Variants in ABHD6 observed in about 807,000 individuals in gnomAD.
The protein encoded by ABHD6 is monoacylglycerol lipase ABHD6.
ABHD6 carries 33 observed loss-of-function variants against 38.8 expected under a neutral mutation model. The ratio of observed to expected loss-of-function variants is 0.85; its 90% CI spans 0.64 to 1.14. ABHD6 has a LOEUF of 1.14. Ranked by LOEUF, ABHD6 falls within the 50% of genes most tolerant of loss-of-function variation. The pLI, the probability that ABHD6 is intolerant of heterozygous loss-of-function variation, is 0.00. For synonymous variants in ABHD6, 147 were observed against 161.6 expected (o/e 0.91, Z 0.69); for missense variants, 380 against 422.6 (o/e 0.90, Z 0.88).
intron 9 of ABHD6, among the ~76,000 whole-genome samples, chr3:58,289,739 T>C (rs1203273129): frequency 6.6e-6 from 1 of 152,210 alleles, no homozygotes; most frequent in Non-Finnish European, 1.5e-5. Flanking sequence ...CTATTCTCAA[T>C]GAGCTGTTGG....
rs1284300273 is a variant in ABHD6 at position 58,259,676 on chromosome 3, TG to T, written c.119+2972del. 6.6e-6 allele frequency among the ~76,000 whole-genome samples: 1 copy of T among 152,168 alleles called. No homozygotes were observed. ...AGCCTGGGTGACAGAGATGAGACTCTGTCTAAATAAATAAATAAATGAAACA... is the reference window on the plus strand; with the variant it reads ...AGCCTGGGTGACAGAGATGAGACTCTTCTAAATAAATAAATAAATGAAACA... On this transcript the variant is annotated intron_variant, in intron 3 of 9. Transcript: ENST00000478253. The surrounding 1 kb of genome is among the most constrained non-coding windows in gnomAD (Gnocchi z 4.7).
At chr3:58,245,739 C>G (rs1014409855) in intron 1 of ABHD6, among the ~76,000 whole-genome samples, 26 of 151,664 alleles carry the variant, frequency 1.7e-4, no homozygotes, top group Non-Finnish European at 3.2e-4. Context: ...GAGATCGTGC[C>G]ACTGCACTCT....
At chr3:58,247,960 GTCCCCAGCCCTGCAGTT>G (rs1327384567) in intron 1 of ABHD6, among the ~76,000 whole-genome samples, 2 of 152,186 alleles carry the variant, frequency 1.3e-5, no homozygotes, top group Admixed American at 1.3e-4. Flanking sequence ...TCTCATCTCT[GTCCCCAGCCCTGCAGTT>G]TCCCTTCCCA....
intron 6 of ABHD6, among the ~76,000 whole-genome samples, chr3:58,271,330 AT>A (rs1413522160): frequency 0.024 from 1,592 of 65,926 alleles, 27 homozygotes; most frequent in African/African-American, 0.13. Context: ...AACATTTAAA[AT>A]TTAAAAAAAA....
intron 3 of ABHD6, among the ~76,000 whole-genome samples, chr3:58,262,120 T>G (rs2097437412): frequency 6.6e-6 from 1 of 152,174 alleles, no homozygotes; most frequent in African/African-American, 2.4e-5. Context: ...TGATTCCACT[T>G]TTACCCAGAA....
chr3:58,269,583 A>G lies in ABHD6; in HGVS notation c.390+149A>G. 1.6e-6 allele frequency: 1 copy of G among 618,730 alleles called. No homozygotes were observed. Among genetic ancestry groups the G allele is most frequent in the African/African-American group, 1.8e-5 (1 of 54,862 alleles). The allele number at this position is 618,730 out of a possible 1,614,324, so 38.3% of individuals were successfully genotyped here. A position where few individuals can be genotyped will look rare whatever the true frequency, so the allele number is the denominator to read the frequency against. ...ACAAGTGATGGCAAGCCAAATGGCA[A>G]CCTGATGATATCTCTGGTTGGCAAT... On this transcript the variant is annotated intron_variant, in intron 5 of 9. Transcript: ENST00000478253. This position sits in a 1 kb window ranked among gnomAD's most constrained non-coding sequence, Gnocchi z 4.4.
At chr3:58,278,436 T>A (rs909455769) in intron 7 of ABHD6, among the ~76,000 whole-genome samples, 1 of 152,142 alleles carries the variant, frequency 6.6e-6, no homozygotes, top group Admixed American at 6.5e-5. Flanking sequence ...TCTGTGGGAT[T>A]GGTGGTGATA....
chr3:58,274,376 G>C (rs766899089), intron 6 of ABHD6, among the ~76,000 whole-genome samples: 5 of 152,182 alleles, frequency 3.3e-5, no homozygotes, highest in Non-Finnish European at 7.3e-5. Context: ...AAGAGGCTCA[G>C]GGAGGAGCAG....
intron 3 of ABHD6, among the ~76,000 whole-genome samples, chr3:58,260,066 GT>G (rs1360841496): frequency 6.6e-6 from 1 of 152,218 alleles, no homozygotes; most frequent in South Asian, 2.1e-4. Context: ...TATATATACA[GT>G]TTGTTCATCC....
Position 58,293,898 on chromosome 3 carries a change from A to G in ABHD6, c.*133A>G, listed in dbSNP as rs1300715769. 3.2e-6 allele frequency: 3 copies of G among 949,552 alleles called. No homozygotes were observed. The African/African-American group carries it at 4.9e-5, about 16-fold the overall frequency. 58.8% of individuals were successfully genotyped at this position (949,552 alleles called of 1,614,324 possible). A position where few individuals can be genotyped will look rare whatever the true frequency, so the allele number is the denominator to read the frequency against. ...GTGACCCTGAGGAAGCCCGTCCCTTATCCCTGGTATCCACGGTTCCCCAGA... is the reference window on the plus strand; with the variant it reads ...GTGACCCTGAGGAAGCCCGTCCCTTGTCCCTGGTATCCACGGTTCCCCAGA... On this transcript the variant is annotated 3_prime_UTR_variant, in exon 10 of 10. Coordinates refer to ENST00000478253, the MANE Select transcript of ABHD6 (RefSeq NM_001320126.2). The surrounding 1 kb of genome is among the most constrained non-coding windows in gnomAD (Gnocchi z 4.4).
chr3:58,292,935 C>A (rs2097464290), intron 9 of ABHD6, among the ~76,000 whole-genome samples: 1 of 152,094 alleles, frequency 6.6e-6, no homozygotes, highest in Non-Finnish European at 1.5e-5. Flanking sequence ...AGAGATACCC[C>A]CAGCTTGTGA....
chr3:58,255,462 CTTT>C (rs373989173), intron 2 of ABHD6, among the ~76,000 whole-genome samples: 5 of 129,782 alleles, frequency 3.9e-5, no homozygotes, highest in African/African-American at 8.7e-5. Flanking sequence ...AAAAGTCTGT[CTTT>C]TTTTTTTTTT....
chr3:58,290,117 G>A (rs1341243803), intron 9 of ABHD6, among the ~76,000 whole-genome samples: 3 of 118,516 alleles, frequency 2.5e-5, no homozygotes, highest in Admixed American at 1.5e-4. Context: ...AGGGGCGGCC[G>A]GGCAGAGGCG....
chr3:58,256,300 C>T lies in ABHD6; in HGVS notation c.-25-262C>T, dbSNP rs1270037837. On this transcript the variant is annotated intron_variant, in intron 2 of 9. Coordinates refer to ENST00000478253, the MANE Select transcript of ABHD6 (RefSeq NM_001320126.2). This position sits in a 1 kb window ranked among gnomAD's most constrained non-coding sequence, Gnocchi z 4.3. ...ACATTGACGTTGTCTAATACCCAGC[C>T]CTTACTCAGATTTTCACATTTGTCC... is the stretch of plus-strand genomic sequence containing the variant. Among the ~76,000 whole-genome samples, 1 of 151,952 alleles carries T rather than the reference C, an allele frequency of 6.6e-6. No individual in the cohort carries two copies. Among genetic ancestry groups the T allele is most frequent in the Non-Finnish European group, 1.5e-5 (1 of 68,014 alleles).
chr3:58,261,418 C>G (rs7624883), intron 3 of ABHD6, among the ~76,000 whole-genome samples: 4,461 of 152,120 alleles, frequency 0.029, 236 homozygotes, highest in African/African-American at 0.1. Context: ...TTGCTTGAGC[C>G]CAGGAGTTTA....
chr3:58,282,081 G>A (rs1362764295), intron 7 of ABHD6, among the ~76,000 whole-genome samples: 1 of 152,186 alleles, frequency 6.6e-6, no homozygotes, highest in Non-Finnish European at 1.5e-5. Context: ...GAAAAACAGT[G>A]TACTTTTGAG....
Position 58,267,480 on chromosome 3 carries a change from C to T in ABHD6, c.276+135C>T. 1 of 1,123,572 alleles carries T rather than the reference C, an allele frequency of 8.9e-7. No individual in the cohort carries two copies. Among genetic ancestry groups the T allele is most frequent in the South Asian group, 1.4e-5 (1 of 71,050 alleles). 69.6% of individuals were successfully genotyped at this position (1,123,572 alleles called of 1,614,324 possible). ...AGGAGTTCAAAACCAGCCTGGACAA[C>T]ATAAAGAAACCCTGTCTCTACAAAA... On this transcript the variant is annotated intron_variant, in intron 4 of 9. Transcript: ENST00000478253. This position sits in a 1 kb window ranked among gnomAD's most constrained non-coding sequence, Gnocchi z 4.3.
At chr3:58,272,601 A>T (rs1575525710) in intron 6 of ABHD6, among the ~76,000 whole-genome samples, 1 of 152,258 alleles carries the variant, frequency 6.6e-6, no homozygotes, top group Non-Finnish European at 1.5e-5. Context: ...ATCTTATAAT[A>T]ATAAGTTTGA....
intron 1 of ABHD6, among the ~76,000 whole-genome samples, chr3:58,240,671 C>A (rs889564535): frequency 6.6e-6 from 1 of 151,538 alleles, no homozygotes; most frequent in Non-Finnish European, 1.5e-5. Flanking sequence ...CTCAAGCAAT[C>A]CTGCTACCTC....
Sources: gnomAD v4.1 joint callset for allele counts (sites outside exome capture counted in the v4.1 genomes callset) on GRCh38, gnomAD v4.1.1 for gene constraint, Gnocchi (gnomAD v3.1) non-coding constraint, MANE v1.5 for transcripts, NCBI Gene and HGNC (gene_info 2026-07-23, HGNC 2026-07-21) for gene names.